NISCH: variants seen among roughly 807,000 people sequenced by gnomAD.
The protein encoded by NISCH is nischarin, also known as I-1 receptor candidate protein.
Under a neutral mutation model 138.4 loss-of-function variants are expected in NISCH, and 55 were observed. The ratio of observed to expected loss-of-function variants is 0.40; its 90% CI spans 0.32 to 0.50. The LOEUF is 0.50. Among genes scored for constraint, NISCH ranks in the 20% least tolerant of loss-of-function variants. NISCH has a pLI of 0.71. For missense variants in NISCH, 1,643 were observed against 2,005.5 expected, an observed-to-expected ratio of 0.82 and a Z score of 3.45; for synonymous variants, 860 against 861.5, an observed-to-expected ratio of 1.00 and a Z score of 0.03.
intron 7 of NISCH, chr3:52,475,835 CTG>C (rs1707083940): frequency 6.5e-6 from 1 of 153,072 alleles, no homozygotes; most frequent in Non-Finnish European, 1.5e-5. Context: ...CAGAGTGAGA[CTG>C]TGTCTCAAAG....
At chr3:52,473,454 C>T (rs1291024192) in intron 6 of NISCH, among the ~76,000 whole-genome samples, 1 of 152,194 alleles carries the variant, frequency 6.6e-6, no homozygotes, top group Non-Finnish European at 1.5e-5. Flanking sequence ...ACTTTATGTT[C>T]ACCTGCCAAG....
chr3:52,455,918 A>G (rs1034881056), intron 1 of NISCH, among the ~76,000 whole-genome samples, 184 bp downstream of exon 1: 1 of 144,786 alleles, frequency 6.9e-6, no homozygotes, highest in Non-Finnish European at 1.5e-5. Context: ...GGTCCGGGAG[A>G]AGGGTTGCTC....
rs1373329835 is a variant in NISCH at position 52,485,845 on chromosome 3, A to G, written c.1703+18A>G. On this transcript the variant is annotated intron_variant, in intron 15 of 20. Coordinates refer to ENST00000345716, the MANE Select transcript of NISCH (RefSeq NM_007184.4). ...GGTGCAAGGTAAGGAAGAGGTTGGA[A>G]AGGGACCTGGGCCTGGCCACACAGC... The G allele has an allele frequency of 6.4e-7, 1 of 1,570,126 alleles. No individual in the cohort carries two copies. The highest frequency in any genetic ancestry group is 1.2e-5 in the South Asian group (1 of 85,668).
At chr3:52,488,648 C>T (rs764960251) in intron 16 of NISCH, 43 bp downstream of exon 16, 1 of 1,474,786 alleles carries the variant, frequency 6.8e-7, no homozygotes, top group South Asian at 1.3e-5. Flanking sequence ...GGGCATGGGT[C>T]TGGCATGTGT....
chr3:52,471,162 G>A, intron 4 of NISCH: 1 of 546,916 alleles, frequency 1.8e-6, no homozygotes, highest in Non-Finnish European at 3.3e-6. Context: ...CACCTGGTTT[G>A]TGCTTACCTG....
At chr3:52,481,745 C>G in intron 13 of NISCH, 7 of 985,558 alleles carry the variant, frequency 7.1e-6, no homozygotes, top group Non-Finnish European at 8.4e-6. Flanking sequence ...AGGCAGCCCC[C>G]CACATTGTCG....
At chr3:52,462,939 G>C (rs943732964) in intron 3 of NISCH, among the ~76,000 whole-genome samples, 1 of 151,986 alleles carries the variant, frequency 6.6e-6, no homozygotes, top group African/African-American at 2.4e-5. Context: ...CCTGGCCATG[G>C]TGTGGATTTT....
At chr3:52,486,142 C>T (rs1027785245) in intron 15 of NISCH, among the ~76,000 whole-genome samples, 2 of 152,220 alleles carry the variant, frequency 1.3e-5, no homozygotes, top group Non-Finnish European at 2.9e-5. Flanking sequence ...CTGAGTCTCG[C>T]TCTGTCGCCC....
intron 7 of NISCH, among the ~76,000 whole-genome samples, chr3:52,474,254 C>T (rs150630515): frequency 6.6e-6 from 1 of 152,236 alleles, no homozygotes; most frequent in African/African-American, 2.4e-5. Flanking sequence ...GCTGGGATTA[C>T]AGGTGCCTGC....
chr3:52,490,351 T>A lies in NISCH; in HGVS notation c.3613+120T>A, dbSNP rs1009783068. On this transcript the variant is annotated intron_variant, in intron 18 of 20. Coordinates refer to ENST00000345716, the MANE Select transcript of NISCH (RefSeq NM_007184.4). The stretch of plus-strand genomic sequence containing the variant: ...GCAGCAGTCAGCGACTTGGCTGCAG[T>A]GGGCTGAGAGTTCCTTGTCTGAGGA... 1.6e-5 allele frequency: 18 copies of A among 1,137,486 alleles called. No homozygotes were observed. In the African/African-American group the frequency reaches 2.7e-4, roughly 17 times the overall value. 70.5% of individuals were successfully genotyped at this position (1,137,486 alleles called of 1,614,324 possible).
chr3:52,471,000 A>G, intron 4 of NISCH, 93 bp downstream of exon 4: 1 of 1,315,868 alleles, frequency 7.6e-7, no homozygotes. Context: ...GTCACTCTGG[A>G]GCCCACCTAC....
chr3:52,484,462 T>TGGGCGCCC, intron 13 of NISCH, 51 bp from the exon 14 acceptor site: 6 of 788,668 alleles, frequency 7.6e-6, no homozygotes, highest in Non-Finnish European at 1.1e-5. Context: ...ACAGCCGCTC[T>TGGGCGCCC]CCCCGCCCCA....
intron 1 of NISCH, among the ~76,000 whole-genome samples, chr3:52,456,847 C>T (rs553130753): frequency 3.3e-5 from 5 of 152,206 alleles, no homozygotes; most frequent in African/African-American, 9.6e-5. Context: ...GTGCAGGAGG[C>T]GGGTGAGGTC....
chr3:52,459,535 G>A (rs1706572776), intron 3 of NISCH, among the ~76,000 whole-genome samples: 1 of 152,158 alleles, frequency 6.6e-6, no homozygotes, highest in African/African-American at 2.4e-5. Flanking sequence ...TTGGGTTCAA[G>A]CAATTCTCCT....
chr3:52,473,978 G>A (rs1213679970), intron 7 of NISCH, 149 bp downstream of exon 7: 2 of 477,918 alleles, frequency 4.2e-6, no homozygotes, highest in East Asian at 3.1e-5. Flanking sequence ...ACACTCATGG[G>A]GGGCCTCCCA....
chr3:52,487,369 A>G lies in NISCH; in HGVS notation c.1877A>G (p.Asn626Ser). ...RQLPAWIEAA[N>S]QREEGQGEQG... ...CTGCCTGCCTGGATCGAGGCTGCCA[A>G]CCAGCGGGAGGAGGGCCAGGGTGAA... is the stretch of plus-strand genomic sequence containing the variant. Residue 626 changes from asparagine (N) to serine (S), a missense_variant, in exon 16 of 21, where the codon AAC becomes AGC. Asn to Ser is a conservative substitution (Grantham distance 46, BLOSUM62 1). Coordinates refer to ENST00000345716, the MANE Select transcript of NISCH (RefSeq NM_007184.4). The surrounding 1 kb of genome is among the most constrained non-coding windows in gnomAD (Gnocchi z 9.1). The G allele has an allele frequency of 6.2e-7, 1 of 1,614,098 alleles. No individual in the cohort carries two copies. Among genetic ancestry groups the G allele is most frequent in the South Asian group, 1.1e-5 (1 of 91,074 alleles).
At chr3:52,479,680 C>T in intron 11 of NISCH, 69 bp from the exon 12 acceptor site, 1 of 1,075,450 alleles carries the variant, frequency 9.3e-7, no homozygotes, top group Non-Finnish European at 1.4e-6. Flanking sequence ...TGCTGATAGC[C>T]ATCACCAGTC....
chr3:52,471,792 C>T (rs1339054323), intron 4 of NISCH, 22 bp from the exon 5 acceptor site: 1 of 1,613,648 alleles, frequency 6.2e-7, no homozygotes, highest in Admixed American at 1.7e-5. Context: ...GACACTTATC[C>T]TTCAGGGCAT....
intron 4 of NISCH, chr3:52,471,166 T>C: frequency 3.7e-6 from 2 of 541,006 alleles, no homozygotes; most frequent in Non-Finnish European, 6.6e-6. Flanking sequence ...TGGTTTGTGC[T>C]TACCTGAAAG....
Sources: gnomAD v4.1 joint callset for allele counts (sites outside exome capture counted in the v4.1 genomes callset) on GRCh38, gnomAD v4.1.1 for gene constraint, Gnocchi (gnomAD v3.1) non-coding constraint, MANE v1.5 for transcripts, NCBI Gene and HGNC (gene_info 2026-07-23, HGNC 2026-07-21) for gene names.